The following TAFA5 variants were observed in gnomAD, a reference collection of about 807,000 sequenced individuals.
TAFA5 encodes the protein chemokine-like protein TAFA-5.
In TAFA5, 6 loss-of-function variants were observed where a neutral mutation model predicts 15.3. That is an observed-to-expected ratio of 0.39 (90% CI 0.21 to 0.77). The LOEUF (loss-of-function observed/expected upper bound fraction) is 0.77. Ranked by LOEUF, TAFA5 falls within the 30% of genes least tolerant of loss-of-function variation. The pLI, the probability that TAFA5 is intolerant of heterozygous loss-of-function variation, is 0.41. For missense variants in TAFA5, 161 were observed against 193.1 expected (o/e 0.83, Z 0.98); for synonymous variants, 103 against 80.7 (o/e 1.28, Z -1.48).
chr22:48,638,788 C>A (rs1482556719), intron 1 of TAFA5, among the ~76,000 whole-genome samples: 1 of 136,150 alleles, frequency 7.3e-6, no homozygotes, highest in Non-Finnish European at 1.5e-5. Context: ...CGACACTAAG[C>A]CCTGGGTCAC....
rs913883813 is a variant in TAFA5, at chr22:48,566,349, G to A, written c.112+76645G>A. On this transcript the variant is annotated intron_variant, in intron 1 of 3. Coordinates refer to ENST00000402357, the MANE Select transcript of TAFA5 (RefSeq NM_001082967.3). This position sits in a 1 kb window ranked among gnomAD's most constrained non-coding sequence, Gnocchi z 4.5. ...GACGATGGGTGGATGATGAATGGAT[G>A]GTGATGGGTGGACGGATGGTGGATG... Among the ~76,000 whole-genome samples the A allele has an allele frequency of 6.6e-6, 1 of 151,552 alleles. No individual in the cohort carries two copies. Among genetic ancestry groups the A allele is most frequent in the Non-Finnish European group, 1.5e-5 (1 of 67,870 alleles).
At position 48,566,672 on chromosome 22, in the gene TAFA5, G is replaced by GT. The variant is rs1286399570; in HGVS notation, c.112+76970dup. Among the ~76,000 whole-genome samples the GT allele has an allele frequency of 1.3e-5, 2 of 152,212 alleles. No homozygotes were observed. The highest frequency in any genetic ancestry group is 2.9e-5 in the Non-Finnish European group (2 of 68,034). The stretch of plus-strand genomic sequence containing the variant: ...TCAGCCTTAGTTTCCTCAGCAATAC[G>GT]TTGGGGGGTGGGGTGGAATCTTTGC... On this transcript the variant is annotated intron_variant, in intron 1 of 3. Coordinates refer to ENST00000402357, the MANE Select transcript of TAFA5 (RefSeq NM_001082967.3). This position sits in a 1 kb window ranked among gnomAD's most constrained non-coding sequence, Gnocchi z 4.5.
At chr22:48,631,144 G>C (rs79915920) in intron 1 of TAFA5, among the ~76,000 whole-genome samples, 1,682 of 152,330 alleles carry the variant, frequency 0.011, 38 homozygotes, top group African/African-American at 0.039. Context: ...GGACGGTCAG[G>C]GGACCGGGGC....
At chr22:48,662,336 A>G (rs1430656029) in intron 2 of TAFA5, among the ~76,000 whole-genome samples, 1 of 152,112 alleles carries the variant, frequency 6.6e-6, no homozygotes, top group African/African-American at 2.4e-5. Flanking sequence ...CGGGGGTGCC[A>G]GGAAGGTGAC....
intron 1 of TAFA5, among the ~76,000 whole-genome samples, chr22:48,594,313 TGGG>T (rs1924682387): frequency 6.6e-6 from 1 of 151,836 alleles, no homozygotes. Context: ...AGGAGAGAAA[TGGG>T]GGGACCAGTG....
intron 1 of TAFA5, among the ~76,000 whole-genome samples, chr22:48,575,923 G>A (rs995961299): frequency 6.3e-5 from 9 of 142,516 alleles, no homozygotes; most frequent in Non-Finnish European, 1.4e-4. Flanking sequence ...GGGCCGGAGC[G>A]AGCGCGGGCG....
intron 2 of TAFA5, among the ~76,000 whole-genome samples, chr22:48,650,376 G>A (rs942302335): frequency 1.3e-5 from 2 of 152,200 alleles, no homozygotes; most frequent in African/African-American, 2.4e-5. Context: ...CAGAAGAGGT[G>A]CATGGGGAAG....
rs1923424545 is a variant in TAFA5 at position 48,566,853 on chromosome 22, CT to C, written c.112+77155del. On this transcript the variant is annotated intron_variant, in intron 1 of 3. Coordinates refer to ENST00000402357, the MANE Select transcript of TAFA5 (RefSeq NM_001082967.3). This position sits in a 1 kb window ranked among gnomAD's most constrained non-coding sequence, Gnocchi z 4.5. ...CCATGCAGCCCTTGTGGTTCTGCAG[CT>C]TTTTTGCCGTAGTTTGCTCACCACT... Among the ~76,000 whole-genome samples, 2 of 152,184 alleles carry C rather than the reference CT, an allele frequency of 1.3e-5. No individual in the cohort carries two copies. Among genetic ancestry groups the C allele is most frequent in the Admixed American group, 1.3e-4 (2 of 15,280 alleles).
chr22:48,676,006 G>C (rs11204498), intron 2 of TAFA5, among the ~76,000 whole-genome samples: 9,843 of 152,372 alleles, frequency 0.065, 1,020 homozygotes, highest in African/African-American at 0.22. Flanking sequence ...GAAGGCTGCT[G>C]AGGCAGCTGG....
intron 3 of TAFA5, among the ~76,000 whole-genome samples, chr22:48,712,271 C>T (rs929972703): frequency 1.3e-5 from 2 of 152,110 alleles, no homozygotes; most frequent in African/African-American, 2.4e-5. Flanking sequence ...TGGCCAGGCT[C>T]GTCTCAAACT....
chr22:48,608,819 C>G (rs1211110320), intron 1 of TAFA5, among the ~76,000 whole-genome samples: 1 of 152,200 alleles, frequency 6.6e-6, no homozygotes, highest in Non-Finnish European at 1.5e-5. Context: ...CAACAGAGGG[C>G]AGGCACCCGA....
intron 2 of TAFA5, among the ~76,000 whole-genome samples, chr22:48,649,905 A>T (rs1926992713): frequency 6.6e-6 from 1 of 152,110 alleles, no homozygotes; most frequent in Admixed American, 6.5e-5. Context: ...TGCTCATCTG[A>T]AACCACATTC....
chr22:48,649,577 A>G (rs1014965496), intron 2 of TAFA5, among the ~76,000 whole-genome samples: 5 of 152,186 alleles, frequency 3.3e-5, no homozygotes, highest in Admixed American at 1.3e-4. Context: ...AGGGCTGCTC[A>G]GTGGCTCTCA....
chr22:48,745,492 C>T lies in TAFA5; in HGVS notation c.391-4347C>T, dbSNP rs1018644541. Among the ~76,000 whole-genome samples, 133 of 150,092 alleles carry T rather than the reference C, an allele frequency of 8.9e-4. 2 individuals are homozygous for T. Among genetic ancestry groups the T allele is most frequent in the Non-Finnish European group, 2.7e-4 (18 of 67,740 alleles). ...CTTTGTCGTTGGCGGCTGGCCTGTC[C>T]GGGGTTCACCCTGAGCATGGGCACA... On this transcript the variant is annotated intron_variant, in intron 3 of 3. Coordinates refer to ENST00000402357, the MANE Select transcript of TAFA5 (RefSeq NM_001082967.3).
At chr22:48,541,821 C>T (rs539202206) in intron 1 of TAFA5, among the ~76,000 whole-genome samples, 9 of 152,200 alleles carry the variant, frequency 5.9e-5, no homozygotes, top group Admixed American at 5.9e-4. Context: ...TGCCACCACC[C>T]GTGCCCTGGG....
intron 1 of TAFA5, among the ~76,000 whole-genome samples, chr22:48,625,842 C>T (rs144193896): frequency 1.1e-3 from 165 of 152,342 alleles, no homozygotes; most frequent in African/African-American, 3.8e-3. Flanking sequence ...CTGGGTCCAA[C>T]TATTCATTCC....
intron 1 of TAFA5, among the ~76,000 whole-genome samples, chr22:48,595,573 C>T (rs28658383): frequency 0.27 from 41,074 of 152,228 alleles, 5,838 homozygotes; most frequent in South Asian, 0.34. Flanking sequence ...AGAGACCCTG[C>T]ATCCGTTCCG....
intron 1 of TAFA5, among the ~76,000 whole-genome samples, chr22:48,521,881 A>ATGTGGAGGG (rs200228337): frequency 0.015 from 2,254 of 152,172 alleles, 30 homozygotes; most frequent in Middle Eastern, 0.031. Flanking sequence ...GATGAGCTTC[A>ATGTGGAGGG]TGTGGAGGGT....
At chr22:48,661,459 G>A (rs945424981) in intron 2 of TAFA5, among the ~76,000 whole-genome samples, 8 of 152,194 alleles carry the variant, frequency 5.3e-5, no homozygotes, top group African/African-American at 1.2e-4. Flanking sequence ...ATGATGAGCC[G>A]GTGCCCCGAG....
Sources: allele counts gnomAD v4.1 joint callset (sites outside exome capture counted in the v4.1 genomes callset), GRCh38; gene constraint gnomAD v4.1.1; non-coding constraint Gnocchi (gnomAD v3.1); transcripts MANE v1.5; gene names NCBI Gene and HGNC (gene_info 2026-07-23, HGNC 2026-07-21).